The following ALS2 variants were observed in gnomAD, a reference collection of about 807,000 sequenced individuals.
ALS2 encodes alsin Rho guanine nucleotide exchange factor ALS2.
In ALS2, 117 loss-of-function variants were observed where a neutral mutation model predicts 203.4. That is an observed-to-expected ratio of 0.58 (90% CI 0.50 to 0.67). ALS2 has a LOEUF of 0.67. Among genes scored for constraint, ALS2 ranks in the 30% least tolerant of loss-of-function variants. The probability of loss-of-function intolerance (pLI) is 0.00; values close to 1 mark genes in which losing one functional copy is unlikely to be tolerated. For missense variants in ALS2, 1,715 were observed against 1,989.4 expected, an observed-to-expected ratio of 0.86 and a Z score of 2.62; for synonymous variants, 718 against 725.9, an observed-to-expected ratio of 0.99 and a Z score of 0.17.
intron 8 of ALS2, among the ~76,000 whole-genome samples, chr2:201,749,231 A>T (rs1400713168): frequency 6.6e-6 from 1 of 151,986 alleles, no homozygotes; most frequent in Admixed American, 6.5e-5. Context: ...AAAAAAAAAA[A>T]ATTCACCTCT....
chr2:201,777,415 C>A (rs1694708952), intron 1 of ALS2, among the ~76,000 whole-genome samples: 2 of 152,004 alleles, frequency 1.3e-5, no homozygotes, highest in South Asian at 4.1e-4. Context: ...TCCACAGTCT[C>A]CTAATTTGAG....
rs1384888301 is a variant in ALS2, at chr2:201,746,670, G to T, written c.1894C>A (p.Gln632Lys). 1.9e-6 allele frequency: 3 copies of T among 1,614,008 alleles called. No individual in the cohort carries two copies. Among genetic ancestry groups the T allele is most frequent in the Non-Finnish European group, 2.5e-6 (3 of 1,180,022 alleles). ...CGGCCACTGTAATATAACCCAGGCTGGAAGTCTTCTGTATCCACTAAAAAC... is the reference window on the plus strand; with the variant it reads ...CGGCCACTGTAATATAACCCAGGCTTGAAGTCTTCTGTATCCACTAAAAAC... ...SLFLVDTEDF[Q>K]PGLYYSGRQD... Residue 632 changes from glutamine (Q) to lysine (K), a missense_variant, in exon 9 of 34, where the codon CAG becomes AAG. Gln to Lys is a moderately conservative substitution (Grantham distance 53). Coordinates refer to ENST00000264276, the MANE Select transcript of ALS2 (RefSeq NM_020919.4).
At chr2:201,701,930 A>G in intron 33 of ALS2, 41 bp from the exon 34 acceptor site, 1 of 1,597,374 alleles carries the variant, frequency 6.3e-7, no homozygotes, top group Non-Finnish European at 8.6e-7. Context: ...TCACTTTTAA[A>G]GAAATTACAT....
intron 25 of ALS2, among the ~76,000 whole-genome samples, chr2:201,712,228 G>C (rs866148086): frequency 2.0e-5 from 3 of 152,178 alleles, no homozygotes; most frequent in African/African-American, 7.2e-5. Flanking sequence ...CTCCAGGCTA[G>C]AATAACAATT....
chr2:201,726,983 T>C (rs1352314254), intron 17 of ALS2, 117 bp from the exon 18 acceptor site: 2 of 982,114 alleles, frequency 2.0e-6, no homozygotes, highest in African/African-American at 1.6e-5. Flanking sequence ...GCTTTTCTTA[T>C]TAATAGAGTA....
intron 13 of ALS2, among the ~76,000 whole-genome samples, chr2:201,730,965 G>A (rs1469369292): frequency 6.6e-6 from 1 of 152,196 alleles, no homozygotes; most frequent in African/African-American, 2.4e-5. Flanking sequence ...GTATTGTCAT[G>A]AAAATAGTTT....
rs1690336155 is a variant in ALS2, at chr2:201,715,679, T to C, written c.3997A>G (p.Arg1333Gly). The change falls in exon 25 of 34, where the codon AGA (arginine) becomes GGA (glycine). Residue 1333 changes from arginine (R) to glycine (G), a missense_variant. This residue lies in a region of ALS2 where 1,227 missense variants were observed against 1,413.5 expected (regional missense o/e 0.87). Transcript: ENST00000264276. ...GAGCAGGTGTTCACTCACCTGTCTC[T>C]GTGCTGGCGCCGACTGGTGGTCAAG... ...VALTTSRRQH[R>G]DSPEILSRSQ... The C allele has an allele frequency of 6.2e-7, 1 of 1,614,110 alleles. No homozygotes were observed. The highest frequency in any genetic ancestry group is 8.5e-7 in the Non-Finnish European group (1 of 1,180,040).
intron 33 of ALS2, 117 bp from the exon 34 acceptor site, chr2:201,702,006 C>A: frequency 1.1e-6 from 1 of 885,952 alleles, no homozygotes; most frequent in Non-Finnish European, 1.8e-6. Flanking sequence ...GCTGATGGCC[C>A]AACAGATTTA....
At chr2:201,723,526 G>T in intron 21 of ALS2, 85 bp from the exon 22 acceptor site, 1 of 1,178,074 alleles carries the variant, frequency 8.5e-7, no homozygotes, top group East Asian at 2.3e-5. Flanking sequence ...GAGATCCCAG[G>T]CATCAACCCT....
At chr2:201,768,210 C>T (rs765650806) in intron 2 of ALS2, among the ~76,000 whole-genome samples, 1 of 152,032 alleles carries the variant, frequency 6.6e-6, no homozygotes, top group Non-Finnish European at 1.5e-5. Context: ...CAGTAAAATC[C>T]TTAATGCTTT....
chr2:201,718,576 C>A (rs1407521185), intron 23 of ALS2, among the ~76,000 whole-genome samples: 5 of 151,846 alleles, frequency 3.3e-5, no homozygotes, highest in Non-Finnish European at 7.4e-5. Flanking sequence ...TTTTTAAAAT[C>A]AAGAGAAAAA....
At chr2:201,750,592 G>A (rs776670604) in intron 7 of ALS2, among the ~76,000 whole-genome samples, 1 of 46,284 alleles carries the variant, frequency 2.2e-5, no homozygotes, top group Non-Finnish European at 1.0e-4. Context: ...ACAGACAAAA[G>A]AAACTAGATT....
At chr2:201,747,083 C>A (rs1172763408) in intron 8 of ALS2, among the ~76,000 whole-genome samples, 1 of 152,182 alleles carries the variant, frequency 6.6e-6, no homozygotes, top group Non-Finnish European at 1.5e-5. Flanking sequence ...ACTTCCAGAG[C>A]CCTACTCTTG....
At chr2:201,749,818 A>C in intron 7 of ALS2, 29 bp from the exon 8 acceptor site, 1 of 1,580,778 alleles carries the variant, frequency 6.3e-7, no homozygotes, top group Non-Finnish European at 8.7e-7. Flanking sequence ...AAAGTAGCTA[A>C]GCGTTGTGAA....
At chr2:201,730,871 T>C (rs570582090) in intron 13 of ALS2, among the ~76,000 whole-genome samples, 1 of 152,386 alleles carries the variant, frequency 6.6e-6, no homozygotes, top group East Asian at 1.9e-4. Flanking sequence ...CCTTGATTCC[T>C]ACCAAGGAGC....
At chr2:201,744,808 T>C (rs1692524240) in intron 9 of ALS2, among the ~76,000 whole-genome samples, 1 of 152,180 alleles carries the variant, frequency 6.6e-6, no homozygotes, top group South Asian at 2.1e-4. Flanking sequence ...AAGATCCAAA[T>C]GATAGGGATA....
chr2:201,711,347 A>G (rs1559035283), intron 25 of ALS2, among the ~76,000 whole-genome samples: 1 of 152,248 alleles, frequency 6.6e-6, no homozygotes, highest in Non-Finnish European at 1.5e-5. Flanking sequence ...ATTCTACAAT[A>G]AAGATTCATT....
chr2:201,713,142 T>C (rs1388919041), intron 25 of ALS2, among the ~76,000 whole-genome samples: 2 of 148,242 alleles, frequency 1.3e-5, no homozygotes, highest in African/African-American at 2.5e-5. Flanking sequence ...TCTTTTTTTT[T>C]TTTTTTTTTT....
chr2:201,706,518 GCAAAATAGCTCA>G (rs1031609435), intron 29 of ALS2, among the ~76,000 whole-genome samples: 1 of 134,474 alleles, frequency 7.4e-6, no homozygotes, highest in Non-Finnish European at 1.6e-5. Flanking sequence ...AAAATACCAG[GCAAAATAGCTCA>G]CACTTTATAT....
Sources: allele counts gnomAD v4.1 joint callset (sites outside exome capture counted in the v4.1 genomes callset), GRCh38; gene constraint gnomAD v4.1.1; regional missense constraint gnomAD v4.1.1; transcripts MANE v1.5; gene names NCBI Gene and HGNC (gene_info 2026-07-23, HGNC 2026-07-21).